Variants in MCC observed in about 807,000 individuals in gnomAD.
MCC encodes the protein MCC regulator of Wnt signaling pathway.
A neutral mutation model predicts 116.2 loss-of-function variants in MCC; 90 were observed. The observed-to-expected ratio is 0.77, with a 90% CI of 0.65 to 0.92. MCC has a LOEUF of 0.92. Among genes scored for constraint, MCC ranks in the 40% least tolerant of loss-of-function variants. The pLI, the probability that MCC is intolerant of heterozygous loss-of-function variation, is 0.00. For synonymous variants in MCC, 578 were observed against 510.5 expected (o/e 1.13, Z -1.78); for missense variants, 1,516 against 1,312.2 (o/e 1.16, Z -2.40).
At chr5:113,451,092 T>G (rs1454459650) in intron 1 of MCC, among the ~76,000 whole-genome samples, 6 of 152,122 alleles carry the variant, frequency 3.9e-5, no homozygotes, top group African/African-American at 1.4e-4. Context: ...CTCAGTTTGG[T>G]CTCTGTAAGC....
At chr5:113,215,920 G>C (rs1198483175) in intron 3 of MCC, among the ~76,000 whole-genome samples, 1 of 152,142 alleles carries the variant, frequency 6.6e-6, no homozygotes, top group Non-Finnish European at 1.5e-5. Flanking sequence ...ACCACACTCT[G>C]ATCTCTCAAA....
chr5:113,479,584 A>G (rs1262541903), intron 1 of MCC, among the ~76,000 whole-genome samples: 1 of 152,154 alleles, frequency 6.6e-6, no homozygotes, highest in Non-Finnish European at 1.5e-5. Flanking sequence ...GTTACTTTAC[A>G]ATCCTAAGTA....
At chr5:113,307,942 T>C (rs1232933282) in intron 3 of MCC, among the ~76,000 whole-genome samples, 1 of 152,008 alleles carries the variant, frequency 6.6e-6, no homozygotes, top group Non-Finnish European at 1.5e-5. Flanking sequence ...TTCTCCTGCG[T>C]GGAGTGTCAG....
At chr5:113,082,066 A>G (rs998127687) in intron 11 of MCC, among the ~76,000 whole-genome samples, 1 of 152,228 alleles carries the variant, frequency 6.6e-6, no homozygotes, top group Non-Finnish European at 1.5e-5. Flanking sequence ...AGTGGTTTCC[A>G]TGGTTTTGCC....
At chr5:113,164,872 G>C (rs909696893) in intron 3 of MCC, among the ~76,000 whole-genome samples, 4 of 152,198 alleles carry the variant, frequency 2.6e-5, no homozygotes, top group Admixed American at 2.0e-4. Flanking sequence ...TGGTACCAGA[G>C]GGAGTTTCAG....
At chr5:113,280,323 A>T (rs1765997223) in intron 3 of MCC, among the ~76,000 whole-genome samples, 1 of 152,106 alleles carries the variant, frequency 6.6e-6, no homozygotes, top group Non-Finnish European at 1.5e-5. Flanking sequence ...CCCTATGTGT[A>T]ACTTTTCTAT....
intron 3 of MCC, among the ~76,000 whole-genome samples, chr5:113,277,335 T>G (rs1365483716): frequency 1.3e-5 from 2 of 150,560 alleles, no homozygotes; most frequent in East Asian, 1.9e-4. Context: ...GCCACTGCAC[T>G]CCAGCCTGGG....
At chr5:113,171,263 G>A (rs1369141146) in intron 3 of MCC, among the ~76,000 whole-genome samples, 1 of 151,580 alleles carries the variant, frequency 6.6e-6, no homozygotes, top group Non-Finnish European at 1.5e-5. Context: ...GTACTTATGA[G>A]TTTACATCTC....
At position 113,361,852 on chromosome 5, in the gene MCC, G is replaced by T. The variant is rs575291532; in HGVS notation, c.416-21122C>A. Among the ~76,000 whole-genome samples the T allele has an allele frequency of 3.0e-3, 450 of 152,294 alleles. 6 individuals are homozygous for T. The highest frequency in any genetic ancestry group is 0.01 in the Middle Eastern group (3 of 294). On this transcript the variant is annotated intron_variant, in intron 2 of 18. Transcript: ENST00000408903. ...TCAAAATTCTGGGTTCTTTGGCCTT[G>T]GGACTCTTGGACTTCCACCAGCAAC... is the stretch of plus-strand genomic sequence containing the variant.
intron 1 of MCC, among the ~76,000 whole-genome samples, chr5:113,437,486 T>A (rs933595705): frequency 1.3e-5 from 2 of 152,214 alleles, no homozygotes; most frequent in Non-Finnish European, 2.9e-5. Context: ...AAATGATAAT[T>A]ACCTTGGGAT....
chr5:113,472,946 C>A (rs421515), intron 1 of MCC, among the ~76,000 whole-genome samples: 138,471 of 152,074 alleles, frequency 0.91, 63,338 homozygotes, highest in African/African-American at 0.98. Context: ...TTCAATGTTG[C>A]TTTAGCATCT....
chr5:113,156,141 A>C (rs1760157848), intron 3 of MCC, among the ~76,000 whole-genome samples: 2 of 152,182 alleles, frequency 1.3e-5, no homozygotes, highest in African/African-American at 4.8e-5. Context: ...GTTTTGGACC[A>C]CCTAACCCCA....
intron 3 of MCC, among the ~76,000 whole-genome samples, chr5:113,229,743 C>T (rs111787919): frequency 0.01 from 1,556 of 152,250 alleles, 21 homozygotes; most frequent in African/African-American, 0.034. Context: ...TGCTTAGATA[C>T]GCAAATACTT....
intron 3 of MCC, chr5:113,294,748 T>G: frequency 3.0e-6 from 3 of 991,848 alleles, no homozygotes; most frequent in Non-Finnish European, 3.6e-6. Flanking sequence ...CGCCCCCCAT[T>G]ACCAGGATGG....
chr5:113,110,367 C>T (rs948499612), intron 6 of MCC, among the ~76,000 whole-genome samples: 1 of 152,204 alleles, frequency 6.6e-6, no homozygotes, highest in African/African-American at 2.4e-5. Flanking sequence ...CTGGCATCCT[C>T]AGCAAATATG....
intron 14 of MCC, among the ~76,000 whole-genome samples, chr5:113,059,718 G>A (rs1266776802): frequency 2.0e-5 from 3 of 152,324 alleles, no homozygotes; most frequent in South Asian, 4.1e-4. Context: ...CTCTGCTGGA[G>A]CTCCCGTCAC....
intron 6 of MCC, among the ~76,000 whole-genome samples, chr5:113,108,793 A>G (rs1756908749): frequency 6.6e-6 from 1 of 152,222 alleles, no homozygotes; most frequent in South Asian, 2.1e-4. Flanking sequence ...AGGGCTACAC[A>G]TACTTTCTTT....
chr5:113,097,679 A>G (rs1175379455), intron 8 of MCC, among the ~76,000 whole-genome samples: 1 of 152,202 alleles, frequency 6.6e-6, no homozygotes, highest in African/African-American at 2.4e-5. Flanking sequence ...TGTGAGGGAA[A>G]ACATAGATGT....
chr5:113,228,107 A>T (rs1014956369), intron 3 of MCC, among the ~76,000 whole-genome samples: 15 of 152,238 alleles, frequency 9.9e-5, no homozygotes, highest in Non-Finnish European at 1.5e-4. Flanking sequence ...GTGTTGAATG[A>T]ACAAATTTGC....
Sources: gnomAD v4.1 joint callset for allele counts (sites outside exome capture counted in the v4.1 genomes callset) on GRCh38, gnomAD v4.1.1 for gene constraint, MANE v1.5 for transcripts, NCBI Gene and HGNC (gene_info 2026-07-23, HGNC 2026-07-21) for gene names.